PCDHGA1: variants seen among roughly 807,000 people sequenced by gnomAD.
PCDHGA1 encodes the protein protocadherin gamma-A1.
In PCDHGA1, 32 loss-of-function variants were observed where a neutral mutation model predicts 58.0. The ratio of observed to expected loss-of-function variants is 0.55; its 90% CI spans 0.42 to 0.74. PCDHGA1 has a LOEUF of 0.74. PCDHGA1 is among the 30% of genes least tolerant of loss of function. The probability of loss-of-function intolerance (pLI) is 0.00; values close to 1 mark genes in which losing one functional copy is unlikely to be tolerated. For missense variants in PCDHGA1, 1,205 were observed against 1,182.3 expected (o/e 1.02, Z -0.28); for synonymous variants, 498 against 501.1 (o/e 0.99, Z 0.08).
chr5:141,345,586 G>A (rs1315258151), intron 1 of PCDHGA1: 3 of 1,614,210 alleles, frequency 1.9e-6, no homozygotes, highest in East Asian at 4.5e-5. Context: ...TACGCGCTGA[G>A]ATCCTTCGAC....
At chr5:141,430,837 C>G (rs1350348914) in intron 1 of PCDHGA1, 1 of 1,560,074 alleles carries the variant, frequency 6.4e-7, no homozygotes, top group Non-Finnish European at 8.6e-7. Context: ...TGTGGGAGAC[C>G]GGATGCACCC....
intron 1 of PCDHGA1, among the ~76,000 whole-genome samples, chr5:141,406,621 A>G (rs2094831746): frequency 6.6e-6 from 1 of 152,172 alleles, no homozygotes; most frequent in African/African-American, 2.4e-5. Flanking sequence ...TTTTATTCTC[A>G]TATCTTCAAA....
In PCDHGA1 at chr5:141,357,221, A is replaced by G. The variant is rs201265946; in HGVS notation, c.2421+24116A>G. The stretch of plus-strand genomic sequence containing the variant: ...GACAGCATCCCAGATGTCCTGGCTG[A>G]CTTGGGCAGCCTCAAGCCTTCAGCA... On this transcript the variant is annotated intron_variant, in intron 1 of 3. Coordinates refer to ENST00000517417, the MANE Select transcript of PCDHGA1 (RefSeq NM_018912.3). 7.9e-5 allele frequency: 128 copies of G among 1,613,582 alleles called. No individual in the cohort carries two copies. Among genetic ancestry groups the G allele is most frequent in the Admixed American group, 2.2e-4 (13 of 59,986 alleles).
chr5:141,478,322 C>A, intron 1 of PCDHGA1: 3 of 1,613,976 alleles, frequency 1.9e-6, no homozygotes, highest in Non-Finnish European at 2.5e-6. Context: ...CTCACTGTAC[C>A]GAACACCAGG....
At chr5:141,375,177 T>C in intron 1 of PCDHGA1, 1 of 1,614,004 alleles carries the variant, frequency 6.2e-7, no homozygotes, top group Non-Finnish European at 8.5e-7. Flanking sequence ...CCAGGAACAG[T>C]AATCGCCCTT....
Position 141,512,738 on chromosome 5 carries a change from C to A in PCDHGA1, c.*1565C>A, listed in dbSNP as rs1350606944. 2 of 152,840 alleles carry A rather than the reference C, an allele frequency of 1.3e-5. No individual in the cohort carries two copies. The highest frequency in any genetic ancestry group is 2.1e-4 in the South Asian group (1 of 4,838). The allele number at this position is 152,840 out of a possible 1,614,324, so 9.5% of individuals were successfully genotyped here. A position where few individuals can be genotyped will look rare whatever the true frequency, so the allele number is the denominator to read the frequency against. On this transcript the variant is annotated 3_prime_UTR_variant, in exon 4 of 4. Transcript: ENST00000517417. ...TGGCGGGTGGGCAGCGGGCGGCGGG[C>A]TCCGCGCAGCCGTCTGTCCTTGATC...
At chr5:141,506,955 C>G (rs1387377785) in intron 3 of PCDHGA1, 1 of 152,244 alleles carries the variant, frequency 6.6e-6, no homozygotes, top group Non-Finnish European at 1.5e-5. Context: ...AATGAATCCT[C>G]TCAATAGCTC....
intron 1 of PCDHGA1, among the ~76,000 whole-genome samples, chr5:141,453,357 C>T (rs1027586816): frequency 1.3e-5 from 2 of 152,002 alleles, no homozygotes; most frequent in Admixed American, 6.6e-5. Flanking sequence ...TGACCCTGAA[C>T]TCCTGGGGTC....
intron 1 of PCDHGA1, chr5:141,333,315 C>A (rs1018310750): frequency 6.3e-6 from 5 of 787,554 alleles, no homozygotes; most frequent in East Asian, 5.4e-5. Context: ...AGACTGTGAT[C>A]ATAATGTAGG....
At position 141,431,906 on chromosome 5, in the gene PCDHGA1, A is replaced by G; in HGVS notation, c.2422-62901A>G. 1 of 1,613,868 alleles carries G rather than the reference A, an allele frequency of 6.2e-7. No individual in the cohort carries two copies. Among genetic ancestry groups the G allele is most frequent in the Non-Finnish European group, 8.5e-7 (1 of 1,179,692 alleles). On this transcript the variant is annotated intron_variant, in intron 1 of 3. Transcript: ENST00000517417. This position sits in a 1 kb window ranked among gnomAD's most constrained non-coding sequence, Gnocchi z 4.8. ...AGATTCTGAGGAAAACGGACAGGTG[A>G]TCTGTTTCATCCAAGGAAATCTGCC...
chr5:141,504,287 T>C (rs1191226511), intron 2 of PCDHGA1, among the ~76,000 whole-genome samples: 2 of 152,166 alleles, frequency 1.3e-5, no homozygotes, highest in Non-Finnish European at 2.9e-5. Flanking sequence ...AATCATTTCA[T>C]GTTTTTTCAA....
intron 1 of PCDHGA1, chr5:141,370,600 T>C: frequency 6.2e-7 from 1 of 1,613,984 alleles, no homozygotes; most frequent in East Asian, 2.2e-5. Flanking sequence ...CTGCGGGTTA[T>C]TGCAGAGAAG....
intron 1 of PCDHGA1, among the ~76,000 whole-genome samples, chr5:141,450,038 A>G (rs2098666630): frequency 8.1e-6 from 1 of 124,190 alleles, no homozygotes; most frequent in African/African-American, 3.3e-5. Context: ...ACAGGGTCTC[A>G]CTCTTTCGCC....
intron 1 of PCDHGA1, among the ~76,000 whole-genome samples, chr5:141,492,103 T>G (rs1458656062): frequency 6.6e-6 from 1 of 152,134 alleles, no homozygotes; most frequent in Non-Finnish European, 1.5e-5. Flanking sequence ...GTCTGTAGAT[T>G]TCCTCTTCGA....
At chr5:141,383,574 C>CG in intron 1 of PCDHGA1, 1 of 1,613,366 alleles carries the variant, frequency 6.2e-7, no homozygotes, top group African/African-American at 1.3e-5. Flanking sequence ...GATCCAGCAC[C>CG]GCCCACATCC....
intron 1 of PCDHGA1, among the ~76,000 whole-genome samples, chr5:141,450,485 T>A (rs1382219564): frequency 6.6e-6 from 1 of 152,160 alleles, no homozygotes; most frequent in Non-Finnish European, 1.5e-5. Flanking sequence ...GTTTGTTTGT[T>A]TGTCTGTTTG....
Position 141,431,646 on chromosome 5 carries a change from G to A in PCDHGA1, c.2422-63161G>A. ...GCGGCCCAAGTTTTCAAACTAGATT[G>A]TAATTCAGGGACAATATCAACAATA... On this transcript the variant is annotated intron_variant, in intron 1 of 3. Coordinates refer to ENST00000517417, the MANE Select transcript of PCDHGA1 (RefSeq NM_018912.3). The surrounding 1 kb of genome is among the most constrained non-coding windows in gnomAD (Gnocchi z 4.8). 2 of 1,614,252 alleles carry A rather than the reference G, an allele frequency of 1.2e-6. No individual in the cohort carries two copies. Among genetic ancestry groups the A allele is most frequent in the Non-Finnish European group, 1.7e-6 (2 of 1,180,046 alleles).
intron 1 of PCDHGA1, among the ~76,000 whole-genome samples, chr5:141,473,096 G>A (rs1007912058): frequency 9.9e-5 from 15 of 152,058 alleles, no homozygotes; most frequent in African/African-American, 3.6e-4. Context: ...ACTGTGAGTT[G>A]TATTACCACA....
intron 1 of PCDHGA1, chr5:141,389,674 G>T (rs763404625): frequency 1.2e-6 from 2 of 1,612,448 alleles, no homozygotes; most frequent in Admixed American, 3.3e-5. Flanking sequence ...GCAGACTCAG[G>T]ACACAACGCC....
Sources: allele counts gnomAD v4.1 joint callset (sites outside exome capture counted in the v4.1 genomes callset), GRCh38; gene constraint gnomAD v4.1.1; non-coding constraint Gnocchi (gnomAD v3.1); transcripts MANE v1.5; gene names NCBI Gene and HGNC (gene_info 2026-07-23, HGNC 2026-07-21).